The following ARB2A variants were observed in gnomAD, a reference collection of about 807,000 sequenced individuals.
The protein encoded by ARB2A is ARB2 cotranscriptional regulator A, also known as cotranscriptional regulator ARB2A.
the ARB2A span, among the ~76,000 whole-genome samples, chr5:93,967,708 C>A: frequency 6.6e-6 from 1 of 152,000 alleles, no homozygotes; most frequent in Non-Finnish European, 1.5e-5. Context: ...GGAAAAGTAA[C>A]CATTTAAAAA....
the ARB2A span, among the ~76,000 whole-genome samples, chr5:93,975,117 A>G: frequency 6.6e-6 from 1 of 151,936 alleles, no homozygotes; most frequent in Admixed American, 6.6e-5. Flanking sequence ...GATGGAGACC[A>G]CCCTGGCTAA....
At chr5:93,986,020 C>T in the ARB2A span, among the ~76,000 whole-genome samples, 5 of 149,060 alleles carry the variant, frequency 3.4e-5, no homozygotes, top group African/African-American at 5.0e-5. Flanking sequence ...ATGTGGGGAG[C>T]GCCTCTGCCT....
At chr5:94,092,400 C>A in the ARB2A span, among the ~76,000 whole-genome samples, 2 of 152,090 alleles carry the variant, frequency 1.3e-5, no homozygotes, top group Non-Finnish European at 2.9e-5. Flanking sequence ...CATGATGTAT[C>A]TTCCTGTGCC....
chr5:93,785,368 G>A, the ARB2A span, among the ~76,000 whole-genome samples: 12 of 150,750 alleles, frequency 8.0e-5, no homozygotes, highest in Non-Finnish European at 1.6e-4. Context: ...TCTTTTTTTT[G>A]CTTCAAATGT....
At chr5:93,813,123 T>G in the ARB2A span, among the ~76,000 whole-genome samples, 5 of 152,202 alleles carry the variant, frequency 3.3e-5, no homozygotes, top group African/African-American at 1.2e-4. Context: ...AAATAAATGT[T>G]GTTTAAGCCA....
the ARB2A span, among the ~76,000 whole-genome samples, chr5:94,014,538 A>G: frequency 9.9e-5 from 15 of 152,218 alleles, no homozygotes; most frequent in Non-Finnish European, 8.8e-5. Context: ...TTCCCCAAAT[A>G]GACAAATCAA....
chr5:93,825,261 A>G, the ARB2A span, among the ~76,000 whole-genome samples: 9 of 151,524 alleles, frequency 5.9e-5, no homozygotes, highest in Non-Finnish European at 1.3e-4. Context: ...TATGTCAGCT[A>G]TTGTTTCTGT....
At chr5:93,677,753 T>C in the ARB2A span, among the ~76,000 whole-genome samples, 2 of 152,150 alleles carry the variant, frequency 1.3e-5, no homozygotes, top group Admixed American at 6.5e-5. Flanking sequence ...CTGCGCAAGC[T>C]CCCACCAATT....
the ARB2A span, among the ~76,000 whole-genome samples, chr5:93,696,052 G>A: frequency 6.8e-4 from 103 of 152,168 alleles, no homozygotes; most frequent in Non-Finnish European, 1.4e-3. Flanking sequence ...GGGGACTAGG[G>A]GAGGGAAAGC....
the ARB2A span, among the ~76,000 whole-genome samples, chr5:93,934,412 C>T: frequency 6.6e-6 from 1 of 152,152 alleles, no homozygotes; most frequent in East Asian, 1.9e-4. Context: ...ACAACCATTT[C>T]CCATTCTTTT....
chr5:93,869,701 T>C, the ARB2A span, among the ~76,000 whole-genome samples: 1 of 152,176 alleles, frequency 6.6e-6, no homozygotes, highest in Non-Finnish European at 1.5e-5. Context: ...CTGATCAATG[T>C]ACTTTGTAAT....
the ARB2A span, among the ~76,000 whole-genome samples, chr5:93,874,755 T>G: frequency 6.6e-6 from 1 of 152,044 alleles, no homozygotes; most frequent in African/African-American, 2.4e-5. Flanking sequence ...GAAACTGAAC[T>G]CTTTAGGCAG....
At chr5:93,644,808 G>A in the ARB2A span, among the ~76,000 whole-genome samples, 1 of 152,132 alleles carries the variant, frequency 6.6e-6, no homozygotes, top group South Asian at 2.1e-4. Flanking sequence ...CTGTGCCACG[G>A]TGATATGATA....
the ARB2A span, among the ~76,000 whole-genome samples, chr5:93,922,898 T>C: frequency 9.3e-4 from 141 of 152,154 alleles, no homozygotes; most frequent in African/African-American, 2.7e-3. Context: ...TTAAACCAAA[T>C]GGTAGAAAAA....
At chr5:93,952,447 G>A in the ARB2A span, among the ~76,000 whole-genome samples, 1 of 152,082 alleles carries the variant, frequency 6.6e-6, no homozygotes, top group Admixed American at 6.5e-5. Context: ...TAGTATTCTA[G>A]GGTAAAAGGA....
chr5:94,044,363 G>A, the ARB2A span, among the ~76,000 whole-genome samples: 4 of 152,102 alleles, frequency 2.6e-5, no homozygotes, highest in Non-Finnish European at 4.4e-5. Flanking sequence ...TAATATTCCA[G>A]ATATCACCTC....
chr5:93,999,785 T>C, the ARB2A span, among the ~76,000 whole-genome samples: 1 of 152,068 alleles, frequency 6.6e-6, no homozygotes. Context: ...GTACCATACA[T>C]AGTATTTTTA....
chr5:94,055,853 C>T, the ARB2A span: 44 of 985,458 alleles, frequency 4.5e-5, no homozygotes, highest in Non-Finnish European at 4.9e-5. Flanking sequence ...ACTGTCCATA[C>T]ATAAGCAGAT....
At chr5:94,004,879 T>G in the ARB2A span, among the ~76,000 whole-genome samples, 7 of 150,838 alleles carry the variant, frequency 4.6e-5, no homozygotes, top group African/African-American at 1.7e-4. Flanking sequence ...AAAACAAAGC[T>G]TATCTAATAA....
Sources: gnomAD v4.1 joint callset for allele counts (sites outside exome capture counted in the v4.1 genomes callset) on GRCh38, gnomAD v4.1.1 for gene constraint, MANE v1.5 for transcripts, NCBI Gene and HGNC (gene_info 2026-07-23, HGNC 2026-07-21) for gene names.